UNC13C: variants seen among roughly 807,000 people sequenced by gnomAD.
UNC13C encodes protein unc-13 homolog C.
UNC13C carries 174 observed loss-of-function variants against 245.4 expected under a neutral mutation model. The ratio of observed to expected loss-of-function variants is 0.71; its 90% CI spans 0.63 to 0.80. The LOEUF (loss-of-function observed/expected upper bound fraction) is 0.80, where lower values mean the gene tolerates loss of function less well. Ranked by LOEUF, UNC13C falls within the 30% of genes least tolerant of loss-of-function variation. The pLI, the probability that UNC13C is intolerant of heterozygous loss-of-function variation, is 0.00. For missense variants in UNC13C, 2,829 were observed against 2,602.9 expected, an observed-to-expected ratio of 1.09 and a Z score of -1.89; for synonymous variants, 992 against 895.1, an observed-to-expected ratio of 1.11 and a Z score of -1.93.
the UNC13C span, among the ~76,000 whole-genome samples, chr15:53,970,052 C>CTT: frequency 0.044 from 6,264 of 143,548 alleles, 217 homozygotes; most frequent in African/African-American, 0.092. Flanking sequence ...ACAAGTTTTC[C>CTT]TTTTTTTTTT....
intron 19 of UNC13C, among the ~76,000 whole-genome samples, chr15:54,434,833 C>T (rs1204095246): frequency 6.6e-6 from 1 of 151,996 alleles, no homozygotes; most frequent in African/African-American, 2.4e-5. Context: ...GCAATCTATC[C>T]ATCTGACAAA....
rs142053219 is a variant in UNC13C, at chr15:54,157,340, T to A, written c.3071+13656T>A. On this transcript the variant is annotated intron_variant, in intron 4 of 32. Coordinates refer to ENST00000260323, the MANE Select transcript of UNC13C (RefSeq NM_001080534.3). ...CTGGGCAAGTCATTTAACCTGTGAG[T>A]CTTAATGCTCCATTTGAAAACTGTG... Among the ~76,000 whole-genome samples, 790 of 152,340 alleles carry A rather than the reference T, an allele frequency of 5.2e-3. 11 individuals carry two copies. Among genetic ancestry groups the A allele is most frequent in the African/African-American group, 0.018 (763 of 41,570 alleles).
At chr15:54,320,575 A>G (rs926391245) in intron 13 of UNC13C, among the ~76,000 whole-genome samples, 10 of 151,986 alleles carry the variant, frequency 6.6e-5, no homozygotes, top group African/African-American at 9.7e-5. Context: ...GCCCATACAC[A>G]TGAGTATTGT....
intron 2 of UNC13C, among the ~76,000 whole-genome samples, chr15:54,084,387 C>T (rs575599252): frequency 1.3e-5 from 2 of 152,276 alleles, no homozygotes; most frequent in East Asian, 3.9e-4. Flanking sequence ...CTTTATAACT[C>T]AGAAATAATG....
At chr15:54,404,478 A>G (rs906762263) in intron 18 of UNC13C, among the ~76,000 whole-genome samples, 6 of 152,116 alleles carry the variant, frequency 3.9e-5, no homozygotes, top group African/African-American at 1.4e-4. Flanking sequence ...CAGTCACATA[A>G]TGGTGGAATG....
At chr15:54,066,123 T>C (rs1409972477) in intron 2 of UNC13C, among the ~76,000 whole-genome samples, 2 of 152,230 alleles carry the variant, frequency 1.3e-5, no homozygotes, top group Non-Finnish European at 2.9e-5. Flanking sequence ...CAGAGTCATC[T>C]CCAGAGAAGC....
chr15:54,563,331 G>C (rs978101416), intron 29 of UNC13C, among the ~76,000 whole-genome samples: 3 of 151,994 alleles, frequency 2.0e-5, no homozygotes, highest in African/African-American at 7.2e-5. Context: ...ATGTCATCCA[G>C]CTAATGTCTT....
chr15:54,098,276 G>A (rs1438649514), intron 2 of UNC13C, among the ~76,000 whole-genome samples: 7 of 152,166 alleles, frequency 4.6e-5, no homozygotes, highest in African/African-American at 1.7e-4. Flanking sequence ...CTGGGTTCAA[G>A]CAATTCCACT....
At chr15:54,505,273 G>T (rs944524288) in intron 22 of UNC13C, among the ~76,000 whole-genome samples, 5 of 152,124 alleles carry the variant, frequency 3.3e-5, no homozygotes, top group Non-Finnish European at 7.4e-5. Flanking sequence ...TCCAGGCCTT[G>T]CCAGGTGCCC....
At chr15:54,483,922 G>A (rs4267255) in intron 19 of UNC13C, among the ~76,000 whole-genome samples, 62,690 of 151,662 alleles carry the variant, frequency 0.41, 13,176 homozygotes, top group East Asian at 0.62. Flanking sequence ...ACATATTCAC[G>A]GAACATACAC....
chr15:53,910,316 T>C, the UNC13C span, among the ~76,000 whole-genome samples: 1 of 145,884 alleles, frequency 6.9e-6, no homozygotes, highest in Non-Finnish European at 1.5e-5. Context: ...GTGGATGTGA[T>C]TTGGTCAAGG....
chr15:54,532,040 G>A (rs1195856780), intron 25 of UNC13C, among the ~76,000 whole-genome samples: 1 of 152,220 alleles, frequency 6.6e-6, no homozygotes, highest in East Asian at 1.9e-4. Context: ...TTTATGTTAT[G>A]TTCAGGGGTA....
intron 30 of UNC13C, among the ~76,000 whole-genome samples, chr15:54,587,409 A>C (rs1898550803): frequency 6.6e-6 from 1 of 152,208 alleles, no homozygotes; most frequent in East Asian, 1.9e-4. Flanking sequence ...CCAGTTTTTA[A>C]AAACCACCAC....
chr15:54,555,120 A>AAT (rs1444253920), intron 28 of UNC13C, among the ~76,000 whole-genome samples: 5 of 152,062 alleles, frequency 3.3e-5, no homozygotes. Flanking sequence ...AAACCAAGGA[A>AAT]GTCAGGTGAC....
intron 17 of UNC13C, among the ~76,000 whole-genome samples, chr15:54,370,826 A>G: frequency 6.6e-6 from 1 of 152,226 alleles, no homozygotes; most frequent in Non-Finnish European, 1.5e-5. Flanking sequence ...TAAAATCTCA[A>G]TTATAAAAAT....
rs74016630 is a variant in UNC13C, at chr15:54,485,844, T to C, written c.4934-8764T>C. On this transcript the variant is annotated intron_variant, in intron 19 of 32. Coordinates refer to ENST00000260323, the MANE Select transcript of UNC13C (RefSeq NM_001080534.3). ...CCACCAGGAATGCTCTTCCAGAAGA[T>C]GGCTCTGTGGTTTGCTTTTTGACTT... is the stretch of plus-strand genomic sequence containing the variant. 9.2e-3 allele frequency among the ~76,000 whole-genome samples: 1,394 copies of C among 152,310 alleles called. 25 individuals carry two copies. The highest frequency in any genetic ancestry group is 0.032 in the African/African-American group (1,310 of 41,572).
At chr15:53,859,014 A>G in the UNC13C span, among the ~76,000 whole-genome samples, 1 of 152,104 alleles carries the variant, frequency 6.6e-6, no homozygotes, top group Non-Finnish European at 1.5e-5. Context: ...TTGAAGTCTG[A>G]TAAATCTAAA....
chr15:53,916,600 T>A, the UNC13C span, among the ~76,000 whole-genome samples: 1 of 152,166 alleles, frequency 6.6e-6, no homozygotes, highest in Non-Finnish European at 1.5e-5. Flanking sequence ...ACCTAGAAGC[T>A]CTATGCAGTG....
intron 2 of UNC13C, among the ~76,000 whole-genome samples, chr15:54,035,078 T>C (rs1184320552): frequency 2.0e-5 from 3 of 152,200 alleles, no homozygotes; most frequent in African/African-American, 7.2e-5. Flanking sequence ...ATTGTTTTTT[T>C]TTATGAATGA....
Sources: gnomAD v4.1 joint callset for allele counts (sites outside exome capture counted in the v4.1 genomes callset) on GRCh38, gnomAD v4.1.1 for gene constraint, MANE v1.5 for transcripts, NCBI Gene and HGNC (gene_info 2026-07-23, HGNC 2026-07-21) for gene names.